Variants in HBS1L observed in about 807,000 individuals in gnomAD.
HBS1L encodes HBS1 like translational GTPase.
A neutral mutation model predicts 88.9 loss-of-function variants in HBS1L; 55 were observed. The ratio of observed to expected loss-of-function variants is 0.62; its 90% CI spans 0.50 to 0.77. HBS1L has a LOEUF of 0.77. HBS1L is among the 30% of genes least tolerant of loss of function. HBS1L has a pLI of 0.00. For missense variants in HBS1L, 741 were observed against 829.3 expected (o/e 0.89, Z 1.31); for synonymous variants, 267 against 288.5 (o/e 0.93, Z 0.76).
chr6:134,966,532 A>G, intron 16 of HBS1L, 59 bp from the exon 17 acceptor site: 1 of 1,114,320 alleles, frequency 9.0e-7, no homozygotes, highest in Non-Finnish European at 1.2e-6. Flanking sequence ...ATGTAATAAT[A>G]ACAACTTGAA....
rs2114939898 is a variant in HBS1L, at chr6:135,054,767, A to G, written c.-76T>C. The G allele has an allele frequency of 1.0e-5, 16 of 1,562,390 alleles. No individual in the cohort carries two copies. The East Asian group carries it at 1.1e-4, about 11-fold the overall frequency. On this transcript the variant is annotated 5_prime_UTR_variant, in exon 1 of 18. Transcript: ENST00000367837. ...CCGCTTAGATACTGATAAGGCGCCAACTGCAGCCTGGAGAACCCCTATGCG... is the reference window on the plus strand; with the variant it reads ...CCGCTTAGATACTGATAAGGCGCCAGCTGCAGCCTGGAGAACCCCTATGCG...
At chr6:135,048,354 T>C (rs1776976345) in intron 2 of HBS1L, among the ~76,000 whole-genome samples, 1 of 152,210 alleles carries the variant, frequency 6.6e-6, no homozygotes, top group African/African-American at 2.4e-5. Context: ...AGCCAGTAGG[T>C]TGGAATCCCC....
At chr6:135,044,853 C>A (rs1236618022) in intron 2 of HBS1L, among the ~76,000 whole-genome samples, 1 of 152,118 alleles carries the variant, frequency 6.6e-6, no homozygotes, top group Non-Finnish European at 1.5e-5. Context: ...AGATGTTTCC[C>A]TCAACAAGTT....
At chr6:135,045,002 CA>C (rs757647724) in intron 2 of HBS1L, among the ~76,000 whole-genome samples, 55 of 151,914 alleles carry the variant, frequency 3.6e-4, no homozygotes, top group Non-Finnish European at 4.7e-4. Context: ...AACTCCAACT[CA>C]AAAACCCATA....
At chr6:134,978,880 CAATT>C in intron 14 of HBS1L, 93 bp from the exon 15 acceptor site, 1 of 773,876 alleles carries the variant, frequency 1.3e-6, no homozygotes, top group Non-Finnish European at 2.2e-6. Context: ...GAAAGTAAAA[CAATT>C]AAGTAAATTA....
At chr6:134,996,631 C>A (rs1289227910) in intron 7 of HBS1L, 146 bp downstream of exon 7, 2 of 536,352 alleles carry the variant, frequency 3.7e-6, no homozygotes, top group Non-Finnish European at 3.0e-6. Flanking sequence ...TCAAAAAAGT[C>A]AAAATAGTTC....
At chr6:134,994,219 A>T (rs1295141707) in intron 7 of HBS1L, among the ~76,000 whole-genome samples, 5 of 152,148 alleles carry the variant, frequency 3.3e-5, no homozygotes, top group African/African-American at 1.2e-4. Flanking sequence ...ATGAGAAAAG[A>T]CAAATGCAAA....
At chr6:134,971,859 T>C (rs918483786) in intron 15 of HBS1L, among the ~76,000 whole-genome samples, 2 of 152,150 alleles carry the variant, frequency 1.3e-5, no homozygotes, top group Non-Finnish European at 2.9e-5. Flanking sequence ...ACCATACTAA[T>C]ACAGGTCCAC....
chr6:135,052,598 A>C (rs948474535), intron 1 of HBS1L, among the ~76,000 whole-genome samples: 3 of 151,848 alleles, frequency 2.0e-5, no homozygotes, highest in Non-Finnish European at 4.4e-5. Context: ...AAAAAAAAAA[A>C]AGAAAAAAAA....
intron 8 of HBS1L, among the ~76,000 whole-genome samples, chr6:134,989,144 T>C (rs1261737122): frequency 6.6e-6 from 1 of 152,262 alleles, no homozygotes. Context: ...TTGCGTCATG[T>C]GGATGCAGCC....
chr6:135,013,069 G>C (rs1241798093), intron 4 of HBS1L, among the ~76,000 whole-genome samples: 1 of 152,136 alleles, frequency 6.6e-6, no homozygotes, highest in Non-Finnish European at 1.5e-5. Context: ...ATAAGACATA[G>C]ACTCTGCTGC....
intron 4 of HBS1L, among the ~76,000 whole-genome samples, chr6:135,008,824 C>T (rs1775684911): frequency 6.6e-6 from 1 of 151,978 alleles, no homozygotes; most frequent in Non-Finnish European, 1.5e-5. Flanking sequence ...TCAGGAAGTG[C>T]CTTACACGTT....
intron 4 of HBS1L, among the ~76,000 whole-genome samples, chr6:135,007,120 A>G (rs556730967): frequency 6.6e-6 from 1 of 152,348 alleles, no homozygotes; most frequent in East Asian, 1.9e-4. Context: ...GTCTCTAAGC[A>G]CACAAAAAAA....
intron 13 of HBS1L, among the ~76,000 whole-genome samples, chr6:134,981,443 T>C (rs1774829107): frequency 6.6e-6 from 1 of 151,982 alleles, no homozygotes. Flanking sequence ...TCTTTAAATA[T>C]AGGTTAAACC....
intron 5 of HBS1L, among the ~76,000 whole-genome samples, chr6:134,999,431 G>C (rs1452975651): frequency 1.3e-5 from 2 of 148,632 alleles, no homozygotes; most frequent in African/African-American, 4.9e-5. Flanking sequence ...TTTCATTTAA[G>C]TAAATCTTTT....
At chr6:135,001,198 T>G (rs1232048497) in intron 5 of HBS1L, among the ~76,000 whole-genome samples, 1 of 152,198 alleles carries the variant, frequency 6.6e-6, no homozygotes, top group Non-Finnish European at 1.5e-5. Flanking sequence ...GTAAAAGGAA[T>G]ACAGTGATGA....
chr6:134,963,771 A>G lies in HBS1L; in HGVS notation c.*1508T>C, dbSNP rs184985873. On this transcript the variant is annotated 3_prime_UTR_variant, in exon 18 of 18. Transcript: ENST00000367837. ...GCAAAACCAGCACCAGGGAAGGCAG[A>G]GTGGAGATGAGTCCTTGCTAACATT... The G allele has an allele frequency of 1.3e-5, 2 of 152,270 alleles. No individual in the cohort carries two copies. Among genetic ancestry groups the G allele is most frequent in the Non-Finnish European group, 2.9e-5 (2 of 68,048 alleles). The allele number at this position is 152,270 out of a possible 1,614,324, so 9.4% of individuals were successfully genotyped here.
intron 2 of HBS1L, among the ~76,000 whole-genome samples, chr6:135,045,151 G>T (rs959228106): frequency 6.6e-6 from 1 of 151,972 alleles, no homozygotes; most frequent in African/African-American, 2.4e-5. Flanking sequence ...TTCAAAGGGT[G>T]GGTGGGTGAG....
chr6:135,029,304 A>C (rs764631290), intron 4 of HBS1L, among the ~76,000 whole-genome samples: 5 of 152,050 alleles, frequency 3.3e-5, no homozygotes, highest in Admixed American at 6.5e-5. Flanking sequence ...TTTTCCATGC[A>C]TATAACAATT....
Sources: gnomAD v4.1 joint callset for allele counts (sites outside exome capture counted in the v4.1 genomes callset) on GRCh38, gnomAD v4.1.1 for gene constraint, MANE v1.5 for transcripts, NCBI Gene and HGNC (gene_info 2026-07-23, HGNC 2026-07-21) for gene names.